Variants in DLG2 observed in about 807,000 individuals in gnomAD.
DLG2 encodes disks large homolog 2.
A neutral mutation model predicts 132.5 loss-of-function variants in DLG2; 45 were observed. The ratio of observed to expected loss-of-function variants is 0.34; its 90% CI spans 0.27 to 0.44. DLG2 has a LOEUF of 0.44. DLG2 is among the 20% of genes least tolerant of loss of function. The pLI, the probability that DLG2 is intolerant of heterozygous loss-of-function variation, is 1.00. For missense variants in DLG2, 1,045 were observed against 1,196.9 expected, an observed-to-expected ratio of 0.87 and a Z score of 1.87; for synonymous variants, 424 against 419.6, an observed-to-expected ratio of 1.01 and a Z score of -0.13.
At chr11:85,339,239 C>T (rs1565345761) in intron 3 of DLG2, among the ~76,000 whole-genome samples, 1 of 152,124 alleles carries the variant, frequency 6.6e-6, no homozygotes, top group East Asian at 1.9e-4. Flanking sequence ...TTTGCCATAG[C>T]TTATGTAGTT....
chr11:84,809,584 C>T (rs1451280875), intron 6 of DLG2, among the ~76,000 whole-genome samples: 2 of 151,884 alleles, frequency 1.3e-5, no homozygotes, highest in South Asian at 2.1e-4. Flanking sequence ...AGTAGGGTAA[C>T]ACTATAAAAG....
chr11:85,455,526 G>C (rs567782025), intron 3 of DLG2, among the ~76,000 whole-genome samples: 19 of 152,172 alleles, frequency 1.2e-4, no homozygotes, highest in Admixed American at 3.3e-4. Context: ...TCTTTCTCTT[G>C]CCTGACTCCT....
chr11:85,555,079 G>A (rs560764162), intron 3 of DLG2, among the ~76,000 whole-genome samples: 2 of 151,968 alleles, frequency 1.3e-5, no homozygotes, highest in East Asian at 1.9e-4. Context: ...CCACTTGGCT[G>A]CCTCATGATA....
intron 4 of DLG2, among the ~76,000 whole-genome samples, chr11:85,170,061 T>C (rs779248777): frequency 3.3e-5 from 5 of 152,180 alleles, no homozygotes; most frequent in African/African-American, 1.2e-4. Context: ...ATAATTTTAA[T>C]TCAATAAAAG....
rs925221603 is a variant in DLG2, at chr11:84,876,333, G to T, written c.357+235328C>A. 6.6e-5 allele frequency among the ~76,000 whole-genome samples: 10 copies of T among 152,198 alleles called. No individual in the cohort carries two copies. The South Asian group carries it at 1.7e-3, about 25-fold the overall frequency. ...TGGTCCTAGACTTTTTTGATTGGTA[G>T]GCTATTAATTACTGCCTCAATTTCA... On this transcript the variant is annotated intron_variant, in intron 6 of 27. Transcript: ENST00000376104.
intron 3 of DLG2, among the ~76,000 whole-genome samples, chr11:85,561,368 A>AAAAAC (rs67149419): frequency 7.7e-6 from 1 of 129,364 alleles, no homozygotes; most frequent in Non-Finnish European, 1.7e-5. Context: ...AAAAAAAAAA[A>AAAAAC]TAGCTGTGTA....
upstream of DLG2, chr11:85,627,998 C>G (rs796217058): frequency 2.0e-5 from 3 of 152,764 alleles, no homozygotes; most frequent in African/African-American, 7.2e-5. Context: ...GGTCTTCTCG[C>G]GGGGGTAGTG....
intron 9 of DLG2, among the ~76,000 whole-genome samples, chr11:84,153,348 G>A (rs552402007): frequency 6.6e-6 from 1 of 152,150 alleles, no homozygotes; most frequent in South Asian, 2.1e-4. Context: ...GTATCTTGCA[G>A]CGGTTTTCTG....
chr11:84,694,358 T>A (rs1445305106), intron 6 of DLG2, among the ~76,000 whole-genome samples: 1 of 151,638 alleles, frequency 6.6e-6, no homozygotes, highest in African/African-American at 2.4e-5. Flanking sequence ...TTTACAATCT[T>A]AGTAATTTGA....
Position 84,841,414 on chromosome 11 carries a change from T to C in DLG2, c.357+270247A>G, listed in dbSNP as rs182524216. Among the ~76,000 whole-genome samples the C allele has an allele frequency of 4.6e-5, 7 of 152,156 alleles. No individual in the cohort carries two copies. The East Asian group carries it at 9.7e-4, about 21-fold the overall frequency. On this transcript the variant is annotated intron_variant, in intron 6 of 27. Transcript: ENST00000376104. ...CATGTTTCTATATATGCTTGCAATA[T>C]TGGATAATTTAAAAATTCTTAATTG...
intron 19 of DLG2, among the ~76,000 whole-genome samples, chr11:83,589,651 A>G (rs200898374): frequency 0.2 from 28,988 of 146,752 alleles, 2,987 homozygotes; most frequent in Non-Finnish European, 0.23. Flanking sequence ...TATTAACTTT[A>G]AATGTAAATG....
intron 3 of DLG2, among the ~76,000 whole-genome samples, chr11:85,377,166 T>G (rs1036407269): frequency 2.6e-5 from 4 of 152,170 alleles, no homozygotes; most frequent in African/African-American, 9.7e-5. Flanking sequence ...TGTCAAAAAG[T>G]GAGATTGCAT....
chr11:85,049,439 C>G (rs2062676040), intron 6 of DLG2, among the ~76,000 whole-genome samples: 1 of 139,632 alleles, frequency 7.2e-6, no homozygotes, highest in Non-Finnish European at 1.7e-5. Context: ...TTTGCTATAT[C>G]ATTAGATAAA....
intron 11 of DLG2, among the ~76,000 whole-genome samples, chr11:84,011,718 T>C (rs1337418108): frequency 6.6e-6 from 1 of 152,056 alleles, no homozygotes; most frequent in Non-Finnish European, 1.5e-5. Flanking sequence ...GCTTTGCCCA[T>C]TAAGAAATGA....
intron 7 of DLG2, among the ~76,000 whole-genome samples, chr11:84,262,346 A>G (rs1484302198): frequency 1.3e-5 from 2 of 152,190 alleles, no homozygotes; most frequent in Non-Finnish European, 2.9e-5. Context: ...GAAGTATGGG[A>G]TTTGGAGAAA....
At chr11:84,854,466 C>T (rs927246378) in intron 6 of DLG2, among the ~76,000 whole-genome samples, 2 of 151,978 alleles carry the variant, frequency 1.3e-5, no homozygotes, top group Non-Finnish European at 2.9e-5. Flanking sequence ...ACCAATCATA[C>T]TACTTTTGGT....
intron 6 of DLG2, among the ~76,000 whole-genome samples, chr11:84,707,126 A>G (rs2059868018): frequency 6.6e-6 from 1 of 151,736 alleles, no homozygotes; most frequent in Non-Finnish European, 1.5e-5. Flanking sequence ...GTCTGGCAAC[A>G]TCCAAAAATT....
chr11:85,093,168 G>A (rs1337988351), intron 6 of DLG2, among the ~76,000 whole-genome samples: 1 of 152,244 alleles, frequency 6.6e-6, no homozygotes, highest in South Asian at 2.1e-4. Flanking sequence ...ATATCAGCAA[G>A]TGTTATTGAT....
At chr11:83,863,123 G>T (rs954742850) in intron 16 of DLG2, among the ~76,000 whole-genome samples, 4 of 152,194 alleles carry the variant, frequency 2.6e-5, no homozygotes, top group Admixed American at 2.6e-4. Flanking sequence ...ACAGAGATCA[G>T]TGGAGACCCC....
Sources: allele counts gnomAD v4.1 joint callset (sites outside exome capture counted in the v4.1 genomes callset), GRCh38; gene constraint gnomAD v4.1.1; transcripts MANE v1.5; gene names NCBI Gene and HGNC (gene_info 2026-07-23, HGNC 2026-07-21).